Variants in ATXN7L1 observed in about 807,000 individuals in gnomAD.
ATXN7L1 encodes ataxin-7-like protein 1.
In ATXN7L1, 15 loss-of-function variants were observed where a neutral mutation model predicts 70.8. The ratio of observed to expected loss-of-function variants is 0.21; its 90% CI spans 0.14 to 0.33. The LOEUF (loss-of-function observed/expected upper bound fraction) is 0.33, where lower values mean the gene tolerates loss of function less well. ATXN7L1 is among the 10% of genes least tolerant of loss of function. The pLI, the probability that ATXN7L1 is intolerant of heterozygous loss-of-function variation, is 1.00. For synonymous variants in ATXN7L1, 440 were observed against 445.1 expected (o/e 0.99, Z 0.14); for missense variants, 975 against 1,097.1 (o/e 0.89, Z 1.57).
intron 7 of ATXN7L1, among the ~76,000 whole-genome samples, chr7:105,629,479 A>C (rs973889186): frequency 6.8e-6 from 1 of 147,832 alleles, no homozygotes; most frequent in Non-Finnish European, 1.5e-5. Context: ...ATTATATATT[A>C]TTTTTTATAT....
chr7:105,763,315 A>C (rs545298928), intron 3 of ATXN7L1, among the ~76,000 whole-genome samples: 2 of 152,192 alleles, frequency 1.3e-5, no homozygotes, highest in South Asian at 4.1e-4. Flanking sequence ...GTGTCCACTC[A>C]GTCCTCACAG....
chr7:105,625,907 AG>A (rs1469595599), intron 7 of ATXN7L1, among the ~76,000 whole-genome samples: 1 of 152,228 alleles, frequency 6.6e-6, no homozygotes, highest in Non-Finnish European at 1.5e-5. Flanking sequence ...TGACAAAGAT[AG>A]GGAGAAAAAG....
At chr7:105,844,963 G>A (rs1367313801) in intron 2 of ATXN7L1, among the ~76,000 whole-genome samples, 1 of 152,090 alleles carries the variant, frequency 6.6e-6, no homozygotes, top group Non-Finnish European at 1.5e-5. Context: ...CCAGCACTTT[G>A]GGAGGCTGAG....
chr7:105,786,891 A>G (rs572586310), intron 3 of ATXN7L1, among the ~76,000 whole-genome samples: 5 of 152,284 alleles, frequency 3.3e-5, no homozygotes, highest in African/African-American at 1.2e-4. Context: ...ATCCTTGTGA[A>G]TTGAGTGAAT....
At chr7:105,728,289 C>T (rs1201795482) in intron 3 of ATXN7L1, among the ~76,000 whole-genome samples, 1 of 152,106 alleles carries the variant, frequency 6.6e-6, no homozygotes, top group Non-Finnish European at 1.5e-5. Context: ...AAGCACTGTC[C>T]TCTATTCGAT....
chr7:105,810,209 G>A (rs528420414), intron 2 of ATXN7L1, among the ~76,000 whole-genome samples: 1 of 150,752 alleles, frequency 6.6e-6, no homozygotes, highest in African/African-American at 2.4e-5. Flanking sequence ...TAAACGAGAT[G>A]TGGTGTTGGA....
chr7:105,617,599 C>T (rs1018375105), intron 9 of ATXN7L1, among the ~76,000 whole-genome samples: 2 of 152,174 alleles, frequency 1.3e-5, no homozygotes, highest in South Asian at 2.1e-4. Context: ...GTCCCTTCCC[C>T]GCCAAGGCTA....
chr7:105,720,156 G>A (rs771351065), intron 3 of ATXN7L1, among the ~76,000 whole-genome samples: 1 of 152,164 alleles, frequency 6.6e-6, no homozygotes, highest in Non-Finnish European at 1.5e-5. Flanking sequence ...TATAGCCCTT[G>A]GGTCAGTTAC....
intron 4 of ATXN7L1, among the ~76,000 whole-genome samples, chr7:105,660,191 G>A (rs377117778): frequency 1.3e-5 from 2 of 151,956 alleles, no homozygotes; most frequent in African/African-American, 4.8e-5. Flanking sequence ...CATCCTCACC[G>A]TTCTTGCTGC....
chr7:105,633,341 T>A (rs978982101), intron 7 of ATXN7L1, among the ~76,000 whole-genome samples: 1 of 152,210 alleles, frequency 6.6e-6, no homozygotes, highest in African/African-American at 2.4e-5. Flanking sequence ...CAAAGACATG[T>A]TCCAGGATGA....
At chr7:105,716,725 CA>C (rs1794609192) in intron 3 of ATXN7L1, among the ~76,000 whole-genome samples, 1 of 118,990 alleles carries the variant, frequency 8.4e-6, no homozygotes, top group Non-Finnish European at 1.8e-5. Flanking sequence ...ACACACAGTA[CA>C]AAAATTAGCC....
chr7:105,654,482 C>T (rs191278264), intron 4 of ATXN7L1, among the ~76,000 whole-genome samples: 6 of 152,366 alleles, frequency 3.9e-5, no homozygotes, highest in East Asian at 1.9e-4. Context: ...CAGGCAACAC[C>T]GAGGGTGGTG....
chr7:105,648,822 T>A (rs1452425597), intron 4 of ATXN7L1, among the ~76,000 whole-genome samples: 2 of 149,314 alleles, frequency 1.3e-5, no homozygotes, highest in African/African-American at 5.2e-5. Context: ...AGGTTGGACT[T>A]TTTTTTCCAT....
intron 7 of ATXN7L1, among the ~76,000 whole-genome samples, chr7:105,626,527 G>C (rs1453913307): frequency 6.6e-6 from 1 of 152,206 alleles, no homozygotes; most frequent in Non-Finnish European, 1.5e-5. Flanking sequence ...GCCACATGTA[G>C]TTTTTCAGTG....
chr7:105,831,747 C>T (rs1030108663), intron 2 of ATXN7L1, among the ~76,000 whole-genome samples: 1 of 152,106 alleles, frequency 6.6e-6, no homozygotes, highest in African/African-American at 2.4e-5. Flanking sequence ...TAGCTGAACA[C>T]AGTTAGTGGG....
Position 105,876,368 on chromosome 7 carries a change from G to T in ATXN7L1, c.181+10C>A. 6.3e-7 allele frequency: 1 copy of T among 1,592,380 alleles called. No homozygotes were observed. The highest frequency in any genetic ancestry group is 2.3e-5 in the East Asian group (1 of 44,216). ...ATAATAAAAGGAGGAGGAGGTGGTG[G>T]GGTTCTTACTGTCGGAGCAGTGTAA... is the stretch of plus-strand genomic sequence containing the variant. On this transcript the variant is annotated intron_variant, in intron 1 of 11. Coordinates refer to ENST00000419735, the MANE Select transcript of ATXN7L1 (RefSeq NM_020725.2).
chr7:105,636,184 T>C (rs762241995), intron 7 of ATXN7L1, among the ~76,000 whole-genome samples: 1 of 152,006 alleles, frequency 6.6e-6, no homozygotes, highest in African/African-American at 2.4e-5. Context: ...CACCTGAGGT[T>C]AGGAGTTTGA....
intron 3 of ATXN7L1, among the ~76,000 whole-genome samples, chr7:105,725,411 T>A (rs554508375): frequency 6.6e-6 from 1 of 152,324 alleles, no homozygotes; most frequent in East Asian, 1.9e-4. Context: ...CAAGAAAAGC[T>A]GCCTCACTAA....
intron 2 of ATXN7L1, among the ~76,000 whole-genome samples, chr7:105,874,213 G>A (rs1372907381): frequency 6.6e-6 from 1 of 152,106 alleles, no homozygotes; most frequent in Non-Finnish European, 1.5e-5. Context: ...GGGACTGGGG[G>A]GAAAGGATGT....
Sources: allele counts gnomAD v4.1 joint callset (sites outside exome capture counted in the v4.1 genomes callset), GRCh38; gene constraint gnomAD v4.1.1; transcripts MANE v1.5; gene names NCBI Gene and HGNC (gene_info 2026-07-23, HGNC 2026-07-21).